ELAPOR2: variants seen among roughly 807,000 people sequenced by gnomAD.
ELAPOR2 encodes the protein endosome/lysosome-associated apoptosis and autophagy regulator family member 2.
ELAPOR2 carries 89 observed loss-of-function variants against 120.7 expected under a neutral mutation model. That is an observed-to-expected ratio of 0.74 (90% confidence interval 0.62 to 0.88). The LOEUF is 0.88. Ranked by LOEUF, ELAPOR2 falls within the 40% of genes least tolerant of loss-of-function variation. The probability of loss-of-function intolerance (pLI) is 0.00; values close to 1 mark genes in which losing one functional copy is unlikely to be tolerated. For missense variants in ELAPOR2, 1,134 were observed against 1,251.6 expected (o/e 0.91, Z 1.42); for synonymous variants, 444 against 444.9 (o/e 1.00, Z 0.03).
intron 1 of ELAPOR2, among the ~76,000 whole-genome samples, chr7:86,981,333 A>G (rs527289181): frequency 3.9e-5 from 6 of 152,304 alleles, no homozygotes; most frequent in African/African-American, 1.4e-4. Flanking sequence ...GTGCTTCCTG[A>G]AAGACTAGTC....
In ELAPOR2 at chr7:86,973,814, G is replaced by A. The variant is rs527344916; in HGVS notation, c.190-8790C>T. ...GCCCACAGACTGTAAAGCAACAAGAGGAACACAGCTAGAGGAGGACCCTCT... is the reference window on the plus strand; with the variant it reads ...GCCCACAGACTGTAAAGCAACAAGAAGAACACAGCTAGAGGAGGACCCTCT... On this transcript the variant is annotated intron_variant, in intron 1 of 21. Transcript: ENST00000450689. Among the ~76,000 whole-genome samples, 28 of 152,246 alleles carry A rather than the reference G, an allele frequency of 1.8e-4. 1 individual carries two copies. The highest frequency in any genetic ancestry group is 1.6e-3 in the Admixed American group (25 of 15,298).
At chr7:86,985,481 G>C (rs1253734208) in intron 1 of ELAPOR2, among the ~76,000 whole-genome samples, 2 of 152,128 alleles carry the variant, frequency 1.3e-5, no homozygotes, top group Non-Finnish European at 2.9e-5. Context: ...ACATCAAAAA[G>C]CTTATCCACC....
At chr7:86,974,226 C>T (rs911950153) in intron 1 of ELAPOR2, among the ~76,000 whole-genome samples, 4 of 152,010 alleles carry the variant, frequency 2.6e-5, no homozygotes, top group East Asian at 1.9e-4. Context: ...ACTAAAAGGG[C>T]GTCTTTGCTT....
chr7:86,899,253 T>C (rs1402425114), intron 18 of ELAPOR2, among the ~76,000 whole-genome samples: 2 of 152,168 alleles, frequency 1.3e-5, no homozygotes, highest in East Asian at 3.9e-4. Flanking sequence ...ACAGAATCCT[T>C]ACTGATTGAT....
At chr7:86,928,887 C>A (rs1402204457) in intron 8 of ELAPOR2, among the ~76,000 whole-genome samples, 2 of 151,950 alleles carry the variant, frequency 1.3e-5, no homozygotes, top group Non-Finnish European at 2.9e-5. Context: ...TTCTGTGCCT[C>A]TCTTTCTAAT....
At chr7:87,050,322 G>A (rs1238962320) in intron 1 of ELAPOR2, among the ~76,000 whole-genome samples, 1 of 152,108 alleles carries the variant, frequency 6.6e-6, no homozygotes, top group Non-Finnish European at 1.5e-5. Context: ...TGGATCATGG[G>A]GGCGGATTGC....
intron 1 of ELAPOR2, among the ~76,000 whole-genome samples, chr7:86,994,368 G>A (rs1230360005): frequency 2.0e-5 from 3 of 152,078 alleles, no homozygotes; most frequent in Admixed American, 6.5e-5. Context: ...CAAGTGCTTC[G>A]GAATTTCTAG....
chr7:87,048,319 G>C (rs1039758545), intron 1 of ELAPOR2, among the ~76,000 whole-genome samples: 1 of 152,000 alleles, frequency 6.6e-6, no homozygotes, highest in Non-Finnish European at 1.5e-5. Context: ...ATGAGATTCT[G>C]TCATTTGCAA....
At chr7:86,910,252 C>G (rs1372437140) in intron 15 of ELAPOR2, among the ~76,000 whole-genome samples, 3 of 152,018 alleles carry the variant, frequency 2.0e-5, no homozygotes, top group East Asian at 1.9e-4. Flanking sequence ...TACTGCTCTT[C>G]CCAGTACAAG....
rs1244072919 is a variant in ELAPOR2 at position 86,877,690 on chromosome 7, A to G, written c.*2781T>C. On this transcript the variant is annotated 3_prime_UTR_variant, in exon 22 of 22. Coordinates refer to ENST00000450689, the MANE Select transcript of ELAPOR2 (RefSeq NM_001142749.3). ...ATGGGTCTTGAAGAAGCAGTCAATC[A>G]TGACCCACCTGGGGACCTGGAGACC... 6.6e-6 allele frequency: 1 copy of G among 152,174 alleles called. No homozygotes were observed. The highest frequency in any genetic ancestry group is 1.5e-5 in the Non-Finnish European group (1 of 68,030). 9.4% of individuals were successfully genotyped at this position (152,174 alleles called of 1,614,324 possible).
At chr7:86,917,365 C>T (rs143741710) in intron 12 of ELAPOR2, among the ~76,000 whole-genome samples, 2,814 of 151,980 alleles carry the variant, frequency 0.019, 30 homozygotes, top group Admixed American at 0.028. Context: ...TGCAGTGAGC[C>T]GAGATCGCAC....
At chr7:86,920,346 C>T (rs1287191452) in intron 10 of ELAPOR2, among the ~76,000 whole-genome samples, 1 of 152,080 alleles carries the variant, frequency 6.6e-6, no homozygotes, top group African/African-American at 2.4e-5. Flanking sequence ...CAGTCTGACC[C>T]AGTGGGACAA....
intron 1 of ELAPOR2, among the ~76,000 whole-genome samples, chr7:86,980,595 T>A (rs1562953552): frequency 6.6e-6 from 1 of 152,116 alleles, no homozygotes; most frequent in Non-Finnish European, 1.5e-5. Context: ...ATAAAAGCTC[T>A]CTAGGCATTA....
intron 4 of ELAPOR2, 116 bp from the exon 5 acceptor site, chr7:86,942,220 G>A (rs1790829353): frequency 3.6e-6 from 2 of 555,390 alleles, no homozygotes; most frequent in Non-Finnish European, 6.6e-6. Flanking sequence ...CAATGGCCAT[G>A]AGTAATTCTC....
chr7:86,937,082 G>A (rs1053409905), intron 8 of ELAPOR2, among the ~76,000 whole-genome samples: 1 of 151,902 alleles, frequency 6.6e-6, no homozygotes, highest in Non-Finnish European at 1.5e-5. Context: ...GCCCTTATTT[G>A]GCATTATGAT....
chr7:86,912,804 C>T (rs962091589), intron 14 of ELAPOR2, 137 bp downstream of exon 14: 1 of 1,013,012 alleles, frequency 9.9e-7, no homozygotes, highest in Non-Finnish European at 1.4e-6. Context: ...AGGGAGAAAA[C>T]AGAAATGGTA....
At chr7:86,917,936 C>T (rs1022987358) in intron 12 of ELAPOR2, among the ~76,000 whole-genome samples, 1 of 152,126 alleles carries the variant, frequency 6.6e-6, no homozygotes, top group African/African-American at 2.4e-5. Flanking sequence ...TTTCCTCAAG[C>T]TAAGAGTAGA....
intron 1 of ELAPOR2, among the ~76,000 whole-genome samples, chr7:86,989,107 A>G (rs769805604): frequency 2.6e-5 from 4 of 152,244 alleles, no homozygotes; most frequent in African/African-American, 9.6e-5. Flanking sequence ...AAATAAAACA[A>G]ACACATGAAG....
chr7:86,960,263 G>GTTTTTTTTTTTTTTTTTTT (rs1791650998), intron 2 of ELAPOR2, among the ~76,000 whole-genome samples: 1 of 152,034 alleles, frequency 6.6e-6, no homozygotes, highest in South Asian at 2.1e-4. Context: ...GTTTTTGTTT[G>GTTTTTTTTTTTTTTTTTTT]TTTTTGAGAC....
Sources: gnomAD v4.1 joint callset for allele counts (sites outside exome capture counted in the v4.1 genomes callset) on GRCh38, gnomAD v4.1.1 for gene constraint, MANE v1.5 for transcripts, NCBI Gene and HGNC (gene_info 2026-07-23, HGNC 2026-07-21) for gene names.